Variants in CSMD3 observed in about 807,000 individuals in gnomAD.
CSMD3 encodes CUB and sushi domain-containing protein 3.
A neutral mutation model predicts 435.2 loss-of-function variants in CSMD3; 177 were observed. That is an observed-to-expected ratio of 0.41 (90% CI 0.36 to 0.46). The LOEUF (loss-of-function observed/expected upper bound fraction) is 0.46. Among genes scored for constraint, CSMD3 ranks in the 20% least tolerant of loss-of-function variants. The pLI, the probability that CSMD3 is intolerant of heterozygous loss-of-function variation, is 0.34. For synonymous variants in CSMD3, 1,656 were observed against 1,520.5 expected, an observed-to-expected ratio of 1.09 and a Z score of -2.07; for missense variants, 4,265 against 4,504.6, an observed-to-expected ratio of 0.95 and a Z score of 1.52.
intron 5 of CSMD3, among the ~76,000 whole-genome samples, chr8:113,074,327 T>C (rs1460744466): frequency 6.6e-6 from 1 of 151,854 alleles, no homozygotes; most frequent in Admixed American, 6.6e-5. Flanking sequence ...ATTATAATTG[T>C]CTTTCTAAAA....
Position 112,734,116 on chromosome 8 carries a change from A to T in CSMD3, c.1973-44066T>A, listed in dbSNP as rs1263920696. On this transcript the variant is annotated intron_variant, in intron 13 of 70. Coordinates refer to ENST00000297405, the MANE Select transcript of CSMD3 (RefSeq NM_198123.2). ...AATAAAAGCTAGACCTTAAAAAGAAACATTAAACAAAAGAAGTTGGCCATT... is the reference window on the plus strand; with the variant it reads ...AATAAAAGCTAGACCTTAAAAAGAATCATTAAACAAAAGAAGTTGGCCATT... 2.0e-5 allele frequency among the ~76,000 whole-genome samples: 3 copies of T among 151,988 alleles called. No individual in the cohort carries two copies. In the East Asian group the frequency reaches 5.8e-4, roughly 29 times the overall value.
At chr8:112,796,681 C>T (rs937412288) in intron 13 of CSMD3, among the ~76,000 whole-genome samples, 2 of 149,540 alleles carry the variant, frequency 1.3e-5, no homozygotes, top group Admixed American at 1.3e-4. Context: ...ATAAAAACAA[C>T]AAAACAAAAC....
chr8:112,856,645 C>A (rs1425376491), intron 11 of CSMD3, among the ~76,000 whole-genome samples: 1 of 151,574 alleles, frequency 6.6e-6, no homozygotes, highest in Non-Finnish European at 1.5e-5. Context: ...GAGTGACAGC[C>A]CAGATTGAAA....
intron 10 of CSMD3, among the ~76,000 whole-genome samples, chr8:112,918,281 G>T (rs955584321): frequency 6.6e-6 from 1 of 151,774 alleles, no homozygotes; most frequent in South Asian, 2.1e-4. Context: ...GTGATGTCAT[G>T]ATTTTTATGG....
At chr8:113,384,377 T>C (rs1390460243) in intron 1 of CSMD3, among the ~76,000 whole-genome samples, 1 of 152,168 alleles carries the variant, frequency 6.6e-6, no homozygotes, top group African/African-American at 2.4e-5. Flanking sequence ...GAAATCTATA[T>C]AGTGTATCAG....
At position 112,859,272 on chromosome 8, in the gene CSMD3, A is replaced by G; in HGVS notation, c.1634-6T>C. The G allele has an allele frequency of 6.2e-7, 1 of 1,609,888 alleles. No homozygotes were observed. The highest frequency in any genetic ancestry group is 1.3e-5 in the African/African-American group (1 of 74,916). On this transcript the variant is annotated splice_region_variant and splice_polypyrimidine_tract_variant and intron_variant, in intron 10 of 70. Coordinates refer to ENST00000297405, the MANE Select transcript of CSMD3 (RefSeq NM_198123.2). ...ATTAGAGCCACACGTTTTCACTAAA[A>G]GAGAAATTGCATTTTAAAAGATGAA... is the stretch of plus-strand genomic sequence containing the variant.
intron 2 of CSMD3, among the ~76,000 whole-genome samples, chr8:113,286,678 G>A (rs996183361): frequency 1.3e-5 from 2 of 150,442 alleles, no homozygotes; most frequent in Non-Finnish European, 3.0e-5. Flanking sequence ...TGAGAAGAAC[G>A]ACCACACATA....
chr8:113,273,369 T>C (rs552084329), intron 3 of CSMD3, among the ~76,000 whole-genome samples: 2 of 152,028 alleles, frequency 1.3e-5, no homozygotes, highest in African/African-American at 2.4e-5. Context: ...ACTTTGTTTT[T>C]TGCGGTTTCA....
chr8:113,000,672 T>C (rs2085828458), intron 6 of CSMD3, among the ~76,000 whole-genome samples: 1 of 152,108 alleles, frequency 6.6e-6, no homozygotes, highest in African/African-American at 2.4e-5. Flanking sequence ...GACACTTGGT[T>C]CTTGAGTTCT....
intron 13 of CSMD3, among the ~76,000 whole-genome samples, chr8:112,796,068 C>A (rs1010309141): frequency 6.6e-6 from 1 of 151,968 alleles, no homozygotes; most frequent in African/African-American, 2.4e-5. Context: ...TGATGTGTAC[C>A]TGATGAGCTA....
intron 4 of CSMD3, among the ~76,000 whole-genome samples, chr8:113,121,321 C>T (rs2090979261): frequency 6.6e-6 from 1 of 152,076 alleles, no homozygotes; most frequent in East Asian, 1.9e-4. Context: ...CTTCTCTTGT[C>T]TTTCAGGGTG....
chr8:113,046,752 G>A (rs1156851194), intron 5 of CSMD3, among the ~76,000 whole-genome samples: 1 of 152,196 alleles, frequency 6.6e-6, no homozygotes, highest in African/African-American at 2.4e-5. Flanking sequence ...GGACTTGGAG[G>A]GGCGAGGGTC....
At chr8:112,279,732 C>A (rs1217744187) in intron 59 of CSMD3, among the ~76,000 whole-genome samples, 3 of 152,076 alleles carry the variant, frequency 2.0e-5, no homozygotes, top group African/African-American at 7.2e-5. Context: ...AGCCTAAATA[C>A]CCTGATGCCC....
At chr8:113,027,469 T>C (rs904244106) in intron 5 of CSMD3, among the ~76,000 whole-genome samples, 11 of 152,200 alleles carry the variant, frequency 7.2e-5, no homozygotes, top group Non-Finnish European at 1.3e-4. Context: ...AAGTCATGTA[T>C]GTAGAGTGTA....
chr8:112,292,491 A>T, intron 55 of CSMD3, 46 bp downstream of exon 55: 1 of 1,585,998 alleles, frequency 6.3e-7, no homozygotes, highest in Non-Finnish European at 8.7e-7. Context: ...TGTTTATGTG[A>T]ATATTATTAT....
rs142667524 is a variant in CSMD3 at position 112,426,499 on chromosome 8, C to A, written c.5396-17467G>T. Among the ~76,000 whole-genome samples the A allele has an allele frequency of 1.8e-3, 280 of 152,234 alleles. 1 individual carries two copies. Among genetic ancestry groups the A allele is most frequent in the African/African-American group, 6.5e-3 (272 of 41,572 alleles). Reference sequence around the variant, plus strand: ...TGAAGCCAGACTTCACAGATTGATACCCCCAAGAGCATCTCCTAATTGTGA... The same window carrying A: ...TGAAGCCAGACTTCACAGATTGATAACCCCAAGAGCATCTCCTAATTGTGA... On this transcript the variant is annotated intron_variant, in intron 32 of 70. Transcript: ENST00000297405.
At chr8:112,463,221 G>A (rs923877572) in intron 32 of CSMD3, among the ~76,000 whole-genome samples, 1 of 152,140 alleles carries the variant, frequency 6.6e-6, no homozygotes, top group African/African-American at 2.4e-5. Context: ...AATTAGCTGG[G>A]TGTGGTGGCA....
At chr8:113,420,524 G>T (rs1407547879) in intron 1 of CSMD3, among the ~76,000 whole-genome samples, 2 of 151,740 alleles carry the variant, frequency 1.3e-5, no homozygotes, top group Admixed American at 1.3e-4. Flanking sequence ...AATAAAATTA[G>T]AAAAAATGCT....
intron 1 of CSMD3, among the ~76,000 whole-genome samples, chr8:113,428,725 T>A (rs2094651822): frequency 2.6e-5 from 4 of 151,862 alleles, no homozygotes; most frequent in Non-Finnish European, 4.4e-5. Flanking sequence ...CCTCTCTACA[T>A]AGTAAATAAC....
Sources: allele counts gnomAD v4.1 joint callset (sites outside exome capture counted in the v4.1 genomes callset), GRCh38; gene constraint gnomAD v4.1.1; transcripts MANE v1.5; gene names NCBI Gene and HGNC (gene_info 2026-07-23, HGNC 2026-07-21).